KDM5B: variants seen among roughly 807,000 people sequenced by gnomAD.
KDM5B encodes the protein lysine demethylase 5B.
A neutral mutation model predicts 193.4 loss-of-function variants in KDM5B; 144 were observed. The observed-to-expected ratio is 0.74, with a 90% CI of 0.65 to 0.86. The LOEUF is 0.86. Among genes scored for constraint, KDM5B ranks in the 40% least tolerant of loss-of-function variants. The probability of loss-of-function intolerance (pLI) is 0.00; values close to 1 mark genes in which losing one functional copy is unlikely to be tolerated. For synonymous variants in KDM5B, 668 were observed against 682.6 expected, an observed-to-expected ratio of 0.98 and a Z score of 0.33; for missense variants, 1,833 against 1,886.9, an observed-to-expected ratio of 0.97 and a Z score of 0.53.
At chr1:202,758,740 C>T (rs1375083938) in intron 8 of KDM5B, 1 of 340,734 alleles carries the variant, frequency 2.9e-6, no homozygotes, top group Non-Finnish European at 5.3e-6. Flanking sequence ...TTTTAACAAC[C>T]ACAACTTGGA....
intron 13 of KDM5B, among the ~76,000 whole-genome samples, 165 bp downstream of exon 13, chr1:202,750,494 C>T (rs1390251194): frequency 6.6e-6 from 1 of 152,044 alleles, no homozygotes. Context: ...AGGCTGGTCT[C>T]GAACTCCTGA....
At chr1:202,788,957 G>A (rs1228509263) in intron 1 of KDM5B, among the ~76,000 whole-genome samples, 2 of 152,086 alleles carry the variant, frequency 1.3e-5, no homozygotes, top group African/African-American at 4.8e-5. Context: ...AGGGATTTAG[G>A]AAAGAGGTTG....
chr1:202,762,307 G>C (rs567692987), intron 7 of KDM5B, among the ~76,000 whole-genome samples: 1 of 149,748 alleles, frequency 6.7e-6, no homozygotes, highest in Non-Finnish European at 1.5e-5. Context: ...CCTTCCCTTT[G>C]CTAGCTGGGA....
chr1:202,732,091 G>C, intron 23 of KDM5B, 152 bp from the exon 24 acceptor site: 2 of 585,518 alleles, frequency 3.4e-6, no homozygotes, highest in South Asian at 4.2e-5. Context: ...GAGTCTCCTG[G>C]CATTTCAGAA....
intron 4 of KDM5B, among the ~76,000 whole-genome samples, chr1:202,771,893 C>G (rs1656735736): frequency 6.6e-6 from 1 of 152,012 alleles, no homozygotes; most frequent in Admixed American, 6.6e-5. Context: ...ATTCAACATT[C>G]TAAACAATTT....
chr1:202,747,885 C>G (rs1456501584), intron 14 of KDM5B, among the ~76,000 whole-genome samples: 1 of 151,888 alleles, frequency 6.6e-6, no homozygotes, highest in Non-Finnish European at 1.5e-5. Context: ...AAAATTCCAA[C>G]AGGAATTGAT....
intron 13 of KDM5B, among the ~76,000 whole-genome samples, chr1:202,749,392 C>T (rs1655702253): frequency 6.6e-6 from 1 of 152,104 alleles, no homozygotes; most frequent in African/African-American, 2.4e-5. Flanking sequence ...CCCATCTCTA[C>T]AAACAAATAT....
chr1:202,775,849 CT>C (rs1656920762), intron 2 of KDM5B, among the ~76,000 whole-genome samples: 1 of 65,176 alleles, frequency 1.5e-5, no homozygotes, highest in Admixed American at 2.6e-4. Context: ...GAACAAGACT[CT>C]TGTCTCAAAA....
At chr1:202,758,099 A>G (rs1440372910) in intron 9 of KDM5B, among the ~76,000 whole-genome samples, 2 of 152,218 alleles carry the variant, frequency 1.3e-5, no homozygotes, top group African/African-American at 2.4e-5. Flanking sequence ...AGTATTCTTT[A>G]TATTTGTTGG....
intron 7 of KDM5B, among the ~76,000 whole-genome samples, chr1:202,762,433 A>G (rs137983770): frequency 1.4e-4 from 21 of 152,374 alleles, no homozygotes; most frequent in African/African-American, 4.6e-4. Flanking sequence ...ATTATTAGTC[A>G]GTGCTAAACT....
chr1:202,737,314 A>T (rs1655132806), intron 20 of KDM5B, among the ~76,000 whole-genome samples: 1 of 152,202 alleles, frequency 6.6e-6, no homozygotes, highest in African/African-American at 2.4e-5. Context: ...ATCCCCAAAT[A>T]TTCTAATTCA....
chr1:202,799,295 A>AT (rs201896722), intron 1 of KDM5B, among the ~76,000 whole-genome samples: 3,036 of 152,218 alleles, frequency 0.02, 93 homozygotes, highest in African/African-American at 0.068. Flanking sequence ...CTACCCACCT[A>AT]TTTTTTAAAA....
intron 1 of KDM5B, among the ~76,000 whole-genome samples, chr1:202,780,788 TAAAAA>T (rs11412721): frequency 5.4e-5 from 7 of 129,262 alleles, no homozygotes; most frequent in African/African-American, 2.1e-4. Flanking sequence ...TTGCCATTAC[TAAAAA>T]AAAAAAAAAA....
chr1:202,767,547 T>C (rs1186442186), intron 4 of KDM5B: 2 of 619,616 alleles, frequency 3.2e-6, no homozygotes, highest in Non-Finnish European at 5.8e-6. Flanking sequence ...TCCCTCCTTT[T>C]TTAATCTTAG....
intron 1 of KDM5B, 109 bp downstream of exon 1, chr1:202,807,993 G>A: frequency 2.3e-5 from 26 of 1,145,124 alleles, no homozygotes; most frequent in Non-Finnish European, 3.1e-5. Flanking sequence ...TGACGAGGCC[G>A]GCGGGGCGAC....
At chr1:202,754,197 G>A (rs1324517166) in intron 11 of KDM5B, among the ~76,000 whole-genome samples, 1 of 152,126 alleles carries the variant, frequency 6.6e-6, no homozygotes, top group African/African-American at 2.4e-5. Flanking sequence ...TCATCCCTGC[G>A]AGGTATGGTA....
chr1:202,736,490 AT>A, intron 20 of KDM5B, 98 bp from the exon 21 acceptor site: 1 of 850,058 alleles, frequency 1.2e-6, no homozygotes, highest in Non-Finnish European at 1.7e-6. Flanking sequence ...AGTACTTCAG[AT>A]TACTCCATGA....
chr1:202,786,299 C>T (rs1186641158), intron 1 of KDM5B, among the ~76,000 whole-genome samples: 1 of 151,988 alleles, frequency 6.6e-6, no homozygotes, highest in East Asian at 1.9e-4. Context: ...TGTGAGCCAC[C>T]ACACCCAATC....
At chr1:202,787,301 C>T (rs990293175) in intron 1 of KDM5B, among the ~76,000 whole-genome samples, 4 of 152,098 alleles carry the variant, frequency 2.6e-5, no homozygotes, top group Admixed American at 2.0e-4. Flanking sequence ...GTGAGCCACC[C>T]ATCCGACCAA....
Sources: allele counts gnomAD v4.1 joint callset (sites outside exome capture counted in the v4.1 genomes callset), GRCh38; gene constraint gnomAD v4.1.1; transcripts MANE v1.5; gene names NCBI Gene and HGNC (gene_info 2026-07-23, HGNC 2026-07-21).